PIK3C2B: variants seen among roughly 807,000 people sequenced by gnomAD.
PIK3C2B encodes the protein phosphatidylinositol-4-phosphate 3-kinase catalytic subunit type 2 beta.
A neutral mutation model predicts 184.3 loss-of-function variants in PIK3C2B; 83 were observed. That is an observed-to-expected ratio of 0.45 (90% CI 0.38 to 0.54). The LOEUF is 0.54. PIK3C2B is among the 20% of genes least tolerant of loss of function. PIK3C2B has a pLI of 0.00. For synonymous variants in PIK3C2B, 779 were observed against 837.6 expected (o/e 0.93, Z 1.21); for missense variants, 1,736 against 2,113.5 (o/e 0.82, Z 3.50).
At chr1:204,445,041 C>T (rs1653731487) in intron 16 of PIK3C2B, among the ~76,000 whole-genome samples, 2 of 152,110 alleles carry the variant, frequency 1.3e-5, no homozygotes, top group Admixed American at 1.3e-4. Context: ...GACTGGAAGC[C>T]TTGGGTCCCA....
At chr1:204,462,339 T>C (rs1379943993) in intron 5 of PIK3C2B, among the ~76,000 whole-genome samples, 4 of 148,342 alleles carry the variant, frequency 2.7e-5, no homozygotes, top group Non-Finnish European at 6.0e-5. Flanking sequence ...CTTCTCTCCG[T>C]GGGCTGCTCC....
intron 8 of PIK3C2B, among the ~76,000 whole-genome samples, chr1:204,459,388 A>G (rs966511870): frequency 6.6e-6 from 1 of 152,182 alleles, no homozygotes; most frequent in African/African-American, 2.4e-5. Flanking sequence ...GTTGACTCTC[A>G]TGGTTTTGAG....
At chr1:204,438,276 A>G (rs1675461726) in intron 23 of PIK3C2B, among the ~76,000 whole-genome samples, 1 of 152,148 alleles carries the variant, frequency 6.6e-6, no homozygotes, top group Non-Finnish European at 1.5e-5. Context: ...CCTCAACCTA[A>G]TTAACCCAGA....
intron 11 of PIK3C2B, 29 bp downstream of exon 11, chr1:204,455,827 C>G: frequency 9.5e-6 from 15 of 1,573,778 alleles, no homozygotes; most frequent in Non-Finnish European, 1.3e-5. Flanking sequence ...TCAGCTTGCT[C>G]CCTAGCGGCT....
At chr1:204,451,206 A>G (rs1654320825) in intron 12 of PIK3C2B, among the ~76,000 whole-genome samples, 1 of 152,246 alleles carries the variant, frequency 6.6e-6, no homozygotes, top group Non-Finnish European at 1.5e-5. Context: ...TTTGAGAGTT[A>G]GCTGATCCCT....
At chr1:204,445,049 C>CCAAGAGAACCCTT (rs1343390964) in intron 16 of PIK3C2B, among the ~76,000 whole-genome samples, 1 of 151,846 alleles carries the variant, frequency 6.6e-6, no homozygotes, top group East Asian at 1.9e-4. Context: ...GCCTTGGGTC[C>CCAAGAGAACCCTT]CAAGAGAACC....
At chr1:204,429,591 AG>A (rs1406274876) in intron 29 of PIK3C2B, among the ~76,000 whole-genome samples, 2 of 152,218 alleles carry the variant, frequency 1.3e-5, no homozygotes, top group Non-Finnish European at 2.9e-5. Context: ...AAAAAAATCT[AG>A]GTTGATAATA....
At chr1:204,463,910 T>C (rs1213315087) in intron 5 of PIK3C2B, 102 bp downstream of exon 5, 1 of 1,201,052 alleles carries the variant, frequency 8.3e-7, no homozygotes, top group South Asian at 1.4e-5. Flanking sequence ...GACTGTGGGA[T>C]TGGGGCGGAG....
chr1:204,486,832 G>C (rs1657636611), intron 1 of PIK3C2B, among the ~76,000 whole-genome samples: 1 of 152,146 alleles, frequency 6.6e-6, no homozygotes, highest in Non-Finnish European at 1.5e-5. Context: ...TTTTGAGATG[G>C]AGTCTCGCTC....
chr1:204,446,176 G>A (rs753740682), intron 15 of PIK3C2B, 32 bp from the exon 16 acceptor site: 67 of 1,482,328 alleles, frequency 4.5e-5, no homozygotes, highest in Non-Finnish European at 5.9e-5. Context: ...GAAGGTGGTG[G>A]GAGGGTAGGG....
Position 204,454,580 on chromosome 1 carries a change from C to T in PIK3C2B, c.2066+89G>A, listed in dbSNP as rs1023494641. On this transcript the variant is annotated intron_variant, in intron 12 of 32. Transcript: ENST00000684373. The stretch of plus-strand genomic sequence containing the variant: ...CAAGGAGCCTGGTTTTATCATTAGT[C>T]CTGGACTAGTTATCTGGCCCCAGGG... 11 of 1,401,400 alleles carry T rather than the reference C, an allele frequency of 7.8e-6. No homozygotes were observed. The African/African-American group carries it at 1.0e-4, about 13-fold the overall frequency. 86.8% of individuals were successfully genotyped at this position (1,401,400 alleles called of 1,614,324 possible). A position where few individuals can be genotyped will look rare whatever the true frequency, so the allele number is the denominator to read the frequency against.
At chr1:204,428,292 TC>T in intron 29 of PIK3C2B, 72 bp from the exon 30 acceptor site, 1 of 908,628 alleles carries the variant, frequency 1.1e-6, no homozygotes, top group Non-Finnish European at 1.8e-6. Flanking sequence ...AGGGGACTGT[TC>T]CAGATGTAAA....
rs762032388 is a variant in PIK3C2B at position 204,460,537 on chromosome 1, C to T, written c.1422+13G>A. On this transcript the variant is annotated intron_variant, in intron 6 of 32. Transcript: ENST00000684373. ...CCCAGCCCTGGGCAACCCTCCACCACCCTCACACGAACCGTCCGGGCCAGG... is the reference window on the plus strand; with the variant it reads ...CCCAGCCCTGGGCAACCCTCCACCATCCTCACACGAACCGTCCGGGCCAGG... 1.9e-6 allele frequency: 3 copies of T among 1,606,534 alleles called. No homozygotes were observed. The highest frequency in any genetic ancestry group is 1.7e-5 in the Admixed American group (1 of 60,004).
chr1:204,439,327 G>C (rs1407146439), intron 22 of PIK3C2B, among the ~76,000 whole-genome samples: 1 of 152,122 alleles, frequency 6.6e-6, no homozygotes, highest in African/African-American at 2.4e-5. Flanking sequence ...ATGGGAATTT[G>C]AAAATATATA....
chr1:204,457,245 C>T (rs2137255), intron 9 of PIK3C2B, among the ~76,000 whole-genome samples, 175 bp from the exon 10 acceptor site: 24,027 of 152,182 alleles, frequency 0.16, 2,321 homozygotes, highest in East Asian at 0.4. Flanking sequence ...GTATGATGGA[C>T]AGAGTGAGCT....
chr1:204,431,654 A>T lies in PIK3C2B; in HGVS notation c.4280+15T>A. 6.2e-7 allele frequency: 1 copy of T among 1,613,788 alleles called. No homozygotes were observed. The highest frequency in any genetic ancestry group is 8.5e-7 in the Non-Finnish European group (1 of 1,179,986). ...CCCGACATCCCTCTGTGCAGATAGTAAAGGGGGCAGCTACCTGGGCAAGTG... is the reference window on the plus strand; with the variant it reads ...CCCGACATCCCTCTGTGCAGATAGTTAAGGGGGCAGCTACCTGGGCAAGTG... On this transcript the variant is annotated intron_variant, in intron 28 of 32. Transcript: ENST00000684373.
chr1:204,441,969 C>T (rs568220277), intron 20 of PIK3C2B, among the ~76,000 whole-genome samples: 36 of 152,228 alleles, frequency 2.4e-4, no homozygotes, highest in Non-Finnish European at 4.1e-4. Flanking sequence ...AGAACAGGGC[C>T]GGGCACAGAG....
intron 2 of PIK3C2B, among the ~76,000 whole-genome samples, chr1:204,466,517 T>G (rs1655809428): frequency 6.6e-6 from 1 of 151,862 alleles, no homozygotes; most frequent in South Asian, 2.1e-4. Context: ...AGGGCAGCAG[T>G]GGGGACAGTT....
intron 19 of PIK3C2B, 80 bp downstream of exon 19, chr1:204,443,337 G>T (rs1305609324): frequency 2.2e-6 from 3 of 1,388,040 alleles, no homozygotes; most frequent in Non-Finnish European, 3.0e-6. Context: ...GTGGAATCTT[G>T]TTGTTCAGGA....
Sources: allele counts gnomAD v4.1 joint callset (sites outside exome capture counted in the v4.1 genomes callset), GRCh38; gene constraint gnomAD v4.1.1; transcripts MANE v1.5; gene names NCBI Gene and HGNC (gene_info 2026-07-23, HGNC 2026-07-21).